The following ZNF804B variants were observed in gnomAD, a reference collection of about 807,000 sequenced individuals.
ZNF804B encodes the protein zinc finger 804B.
A neutral mutation model predicts 101.4 loss-of-function variants in ZNF804B; 80 were observed. The observed-to-expected ratio is 0.79, with a 90% CI of 0.66 to 0.95. The LOEUF (loss-of-function observed/expected upper bound fraction) is 0.95. Ranked by LOEUF, ZNF804B falls within the 40% of genes least tolerant of loss-of-function variation. The pLI is 0.00. For synonymous variants in ZNF804B, 622 were observed against 558.8 expected (o/e 1.11, Z -1.59); for missense variants, 1,673 against 1,561.9 (o/e 1.07, Z -1.20).
chr7:89,301,026 G>GAGGAATAGGGAGTTGATA (rs1439223666), intron 2 of ZNF804B, among the ~76,000 whole-genome samples: 1 of 150,184 alleles, frequency 6.7e-6, no homozygotes, highest in Non-Finnish European at 1.5e-5. Context: ...AGAACTTGCT[G>GAGGAATAGGGAGTTGATA]AGGAATAGGG....
At chr7:88,963,942 A>C (rs1202990537) in intron 1 of ZNF804B, among the ~76,000 whole-genome samples, 1 of 151,482 alleles carries the variant, frequency 6.6e-6, no homozygotes, top group Non-Finnish European at 1.5e-5. Context: ...ATTAATCAGT[A>C]GGGAAATGCA....
intron 1 of ZNF804B, among the ~76,000 whole-genome samples, chr7:88,941,779 T>A (rs1793058623): frequency 6.6e-6 from 1 of 151,952 alleles, no homozygotes; most frequent in African/African-American, 2.4e-5. Context: ...TAATGTTGTG[T>A]GGATGAAGGT....
At chr7:89,294,449 A>T (rs538025926) in intron 2 of ZNF804B, among the ~76,000 whole-genome samples, 2 of 152,252 alleles carry the variant, frequency 1.3e-5, no homozygotes, top group Admixed American at 1.3e-4. Context: ...TCTATAAGAG[A>T]TCAGTTGGGT....
chr7:88,954,562 C>CCA (rs566108011), intron 1 of ZNF804B, among the ~76,000 whole-genome samples: 2 of 151,250 alleles, frequency 1.3e-5, no homozygotes, highest in Non-Finnish European at 3.0e-5. Context: ...CATGCCCCCC[C>CCA]CCCACCACGG....
At chr7:89,318,689 G>A (rs1044634846) in intron 2 of ZNF804B, among the ~76,000 whole-genome samples, 6 of 152,186 alleles carry the variant, frequency 3.9e-5, no homozygotes, top group African/African-American at 7.2e-5. Flanking sequence ...CTTGAACTCG[G>A]AGGCAGAGGT....
At chr7:89,153,640 C>T (rs558263670) in intron 1 of ZNF804B, among the ~76,000 whole-genome samples, 78 of 151,980 alleles carry the variant, frequency 5.1e-4, no homozygotes, top group South Asian at 8.3e-4. Context: ...CAAGTGGTCA[C>T]GATGAAAACT....
intron 2 of ZNF804B, among the ~76,000 whole-genome samples, chr7:89,317,484 A>G (rs1431085498): frequency 6.6e-6 from 1 of 152,254 alleles, no homozygotes; most frequent in African/African-American, 2.4e-5. Flanking sequence ...GCTACTGCCA[A>G]TGAGCAGTTA....
intron 1 of ZNF804B, among the ~76,000 whole-genome samples, chr7:88,900,790 G>A (rs1437086158): frequency 6.6e-6 from 1 of 150,774 alleles, no homozygotes; most frequent in Non-Finnish European, 1.5e-5. Flanking sequence ...TTAAGTTAAT[G>A]GAAATAAATT....
intron 1 of ZNF804B, among the ~76,000 whole-genome samples, chr7:89,023,530 C>G (rs1788701164): frequency 6.6e-6 from 1 of 152,150 alleles, no homozygotes; most frequent in Admixed American, 6.5e-5. Flanking sequence ...TGGTTAATTC[C>G]TCTCTAATAA....
chr7:88,847,934 G>T (rs1029083612), intron 1 of ZNF804B, among the ~76,000 whole-genome samples: 11 of 152,130 alleles, frequency 7.2e-5, no homozygotes, highest in Admixed American at 3.3e-4. Flanking sequence ...GAGGAACCAT[G>T]TTGAAAAACC....
intron 1 of ZNF804B, among the ~76,000 whole-genome samples, chr7:89,066,658 A>G (rs897599649): frequency 2.0e-5 from 3 of 152,170 alleles, no homozygotes; most frequent in Admixed American, 6.6e-5. Flanking sequence ...TGGCGTAACA[A>G]TTAATGAGTA....
chr7:89,092,871 A>G (rs1173698820), intron 1 of ZNF804B, among the ~76,000 whole-genome samples: 1 of 152,052 alleles, frequency 6.6e-6, no homozygotes, highest in African/African-American at 2.4e-5. Flanking sequence ...CTTTTATTGG[A>G]GGGTAGTATT....
intron 1 of ZNF804B, among the ~76,000 whole-genome samples, chr7:89,025,568 CTT>C (rs1446696767): frequency 1.3e-5 from 2 of 152,058 alleles, no homozygotes; most frequent in Non-Finnish European, 2.9e-5. Context: ...AAAAAACAAA[CTT>C]ATTATATGTT....
At chr7:88,944,480 T>A (rs1793098699) in intron 1 of ZNF804B, among the ~76,000 whole-genome samples, 1 of 151,784 alleles carries the variant, frequency 6.6e-6, no homozygotes, top group African/African-American at 2.4e-5. Flanking sequence ...ATTTGCATTC[T>A]GGATGCAAGT....
intron 2 of ZNF804B, among the ~76,000 whole-genome samples, chr7:89,240,194 C>T (rs1264154365): frequency 6.6e-6 from 1 of 151,962 alleles, no homozygotes; most frequent in African/African-American, 2.4e-5. Context: ...CTGAGTTCTA[C>T]AGATATTTAA....
intron 1 of ZNF804B, among the ~76,000 whole-genome samples, chr7:88,983,928 G>T (rs929443782): frequency 1.3e-5 from 2 of 151,964 alleles, no homozygotes; most frequent in African/African-American, 4.8e-5. Context: ...ACAAATCTTG[G>T]CACCTCAGTG....
chr7:89,180,425 A>T (rs983926376), intron 1 of ZNF804B, among the ~76,000 whole-genome samples: 1 of 152,026 alleles, frequency 6.6e-6, no homozygotes, highest in Admixed American at 6.5e-5. Context: ...GTCTTGCCCC[A>T]TGTTCACGCC....
At chr7:89,256,027 C>T (rs1203326663) in intron 2 of ZNF804B, among the ~76,000 whole-genome samples, 1 of 152,006 alleles carries the variant, frequency 6.6e-6, no homozygotes, top group Non-Finnish European at 1.5e-5. Flanking sequence ...ATTAAAAGCA[C>T]ATTAGTATTT....
At chr7:89,167,628 T>C (rs1437587539) in intron 1 of ZNF804B, among the ~76,000 whole-genome samples, 1 of 152,050 alleles carries the variant, frequency 6.6e-6, no homozygotes, top group Non-Finnish European at 1.5e-5. Flanking sequence ...ATTGGGAAAA[T>C]AGTTTCTAGA....
Sources: allele counts gnomAD v4.1 joint callset (sites outside exome capture counted in the v4.1 genomes callset), GRCh38; gene constraint gnomAD v4.1.1; transcripts MANE v1.5; gene names NCBI Gene and HGNC (gene_info 2026-07-23, HGNC 2026-07-21).